PDE4B: variants seen among roughly 807,000 people sequenced by gnomAD.
PDE4B encodes the protein 3',5'-cyclic-AMP phosphodiesterase 4B.
In PDE4B, 20 loss-of-function variants were observed where a neutral mutation model predicts 82.2. That is an observed-to-expected ratio of 0.24 (90% CI 0.17 to 0.35). The LOEUF (loss-of-function observed/expected upper bound fraction) is 0.35. Ranked by LOEUF, PDE4B falls within the 10% of genes least tolerant of loss-of-function variation. The pLI is 1.00. For missense variants in PDE4B, 655 were observed against 907.2 expected, an observed-to-expected ratio of 0.72 and a Z score of 3.57; for synonymous variants, 320 against 318.9, an observed-to-expected ratio of 1.00 and a Z score of -0.04.
At chr1:65,953,872 A>G (rs1383016393) in intron 3 of PDE4B, among the ~76,000 whole-genome samples, 1 of 152,084 alleles carries the variant, frequency 6.6e-6, no homozygotes, top group Admixed American at 6.6e-5. Flanking sequence ...ATAATAAAAT[A>G]AAGAATAAAA....
intron 8 of PDE4B, among the ~76,000 whole-genome samples, chr1:66,347,843 A>G (rs1029748091): frequency 6.6e-6 from 1 of 152,210 alleles, no homozygotes; most frequent in African/African-American, 2.4e-5. Context: ...ATAAGGCAGG[A>G]TTTAAAACAA....
At chr1:66,147,318 C>T (rs545151773) in intron 3 of PDE4B, among the ~76,000 whole-genome samples, 14 of 152,204 alleles carry the variant, frequency 9.2e-5, no homozygotes, top group South Asian at 6.2e-4. Context: ...CTAACAGCCC[C>T]GTAAGGTCAG....
intron 3 of PDE4B, among the ~76,000 whole-genome samples, chr1:66,158,510 T>C (rs1356574204): frequency 6.6e-6 from 1 of 152,166 alleles, no homozygotes; most frequent in African/African-American, 2.4e-5. Flanking sequence ...TGTAAATTAG[T>C]ACAGCCATTC....
Position 66,233,668 on chromosome 1 carries a change from C to T in PDE4B, c.282-13792C>T, listed in dbSNP as rs72641144. On this transcript the variant is annotated intron_variant, in intron 3 of 16. Transcript: ENST00000341517. ...GTCAGCTGAAAGTTTTCACAGATGCCGTTTACCTGGTTGATATGTAAATAT... is the reference window on the plus strand; with the variant it reads ...GTCAGCTGAAAGTTTTCACAGATGCTGTTTACCTGGTTGATATGTAAATAT... Among the ~76,000 whole-genome samples, 1,736 of 150,250 alleles carry T rather than the reference C, an allele frequency of 0.012. 60 individuals carry two copies. In the East Asian group the frequency reaches 0.12, roughly 10 times the overall value.
chr1:66,123,339 G>A (rs1645751311), intron 3 of PDE4B, among the ~76,000 whole-genome samples: 1 of 152,172 alleles, frequency 6.6e-6, no homozygotes, highest in Non-Finnish European at 1.5e-5. Flanking sequence ...TCCCTCCACA[G>A]TAGCTTTTAT....
intron 3 of PDE4B, among the ~76,000 whole-genome samples, chr1:66,087,639 C>T (rs908817063): frequency 6.6e-6 from 1 of 151,816 alleles, no homozygotes; most frequent in Non-Finnish European, 1.5e-5. Context: ...CAATGATAGA[C>T]TGGATTAAGA....
intron 3 of PDE4B, among the ~76,000 whole-genome samples, chr1:66,000,658 A>G (rs148375837): frequency 3.5e-4 from 54 of 152,324 alleles, no homozygotes; most frequent in African/African-American, 1.2e-3. Context: ...CCTGGAACTT[A>G]GGGAGAATGA....
At chr1:66,269,371 G>T (rs1346597021) in intron 7 of PDE4B, among the ~76,000 whole-genome samples, 4 of 152,202 alleles carry the variant, frequency 2.6e-5, no homozygotes, top group Non-Finnish European at 5.9e-5. Context: ...TGAGGAGAAA[G>T]ACGCAGTAAA....
intron 1 of PDE4B, among the ~76,000 whole-genome samples, chr1:65,895,007 A>G (rs1646893705): frequency 6.6e-6 from 1 of 152,214 alleles, no homozygotes; most frequent in Admixed American, 6.6e-5. Flanking sequence ...CATTTACCAA[A>G]TGACTCAGAA....
chr1:66,166,327 G>A (rs190533195), intron 3 of PDE4B, among the ~76,000 whole-genome samples: 14 of 152,112 alleles, frequency 9.2e-5, no homozygotes, highest in Non-Finnish European at 1.5e-5. Flanking sequence ...ATGACCTAGG[G>A]TTAGTCAATG....
At chr1:65,823,815 G>T (rs1570977075) in intron 1 of PDE4B, among the ~76,000 whole-genome samples, 1 of 152,236 alleles carries the variant, frequency 6.6e-6, no homozygotes, top group African/African-American at 2.4e-5. Flanking sequence ...CTAATATCTT[G>T]TTATGTCAAT....
chr1:66,063,562 C>T (rs1279087412), intron 3 of PDE4B, among the ~76,000 whole-genome samples: 3 of 151,930 alleles, frequency 2.0e-5, no homozygotes, highest in Non-Finnish European at 4.4e-5. Context: ...TTAGTACATA[C>T]ATAAAGATCA....
At chr1:66,012,184 T>C (rs1473800206) in intron 3 of PDE4B, among the ~76,000 whole-genome samples, 2 of 152,220 alleles carry the variant, frequency 1.3e-5, no homozygotes, top group East Asian at 1.9e-4. Flanking sequence ...AAGACAATCT[T>C]TTAAGGAGTT....
chr1:66,316,922 G>T (rs960342611), intron 7 of PDE4B, among the ~76,000 whole-genome samples: 1 of 152,156 alleles, frequency 6.6e-6, no homozygotes, highest in East Asian at 1.9e-4. Flanking sequence ...GGGAAATTAG[G>T]GCCGGAACGG....
intron 3 of PDE4B, among the ~76,000 whole-genome samples, chr1:66,203,984 A>C (rs1360643941): frequency 1.3e-5 from 2 of 151,086 alleles, no homozygotes; most frequent in South Asian, 4.2e-4. Flanking sequence ...GGTTTTATCT[A>C]CTTTTGGTCT....
At chr1:65,925,566 A>G (rs1310389307) in intron 3 of PDE4B, among the ~76,000 whole-genome samples, 3 of 151,938 alleles carry the variant, frequency 2.0e-5, no homozygotes, top group Admixed American at 1.3e-4. Flanking sequence ...AACAACATCT[A>G]TTAGTTTTGT....
At chr1:66,270,354 C>T (rs1655378366) in intron 7 of PDE4B, among the ~76,000 whole-genome samples, 1 of 152,142 alleles carries the variant, frequency 6.6e-6, no homozygotes, top group South Asian at 2.1e-4. Flanking sequence ...ACAGGTTCTG[C>T]CCATAGCTTT....
chr1:65,936,373 T>A (rs1648139453), intron 3 of PDE4B, among the ~76,000 whole-genome samples: 1 of 152,174 alleles, frequency 6.6e-6, no homozygotes, highest in East Asian at 1.9e-4. Flanking sequence ...AGCACGTGAG[T>A]AATGCTACGA....
intron 3 of PDE4B, among the ~76,000 whole-genome samples, chr1:66,207,818 C>T (rs1407800252): frequency 2.6e-5 from 4 of 152,116 alleles, no homozygotes; most frequent in Non-Finnish European, 5.9e-5. Context: ...TCTTCTCATT[C>T]GTTTGTAATT....
Sources: allele counts gnomAD v4.1 joint callset (sites outside exome capture counted in the v4.1 genomes callset), GRCh38; gene constraint gnomAD v4.1.1; transcripts MANE v1.5; gene names NCBI Gene and HGNC (gene_info 2026-07-23, HGNC 2026-07-21).